Variants in ARMC2 observed in about 807,000 individuals in gnomAD.
ARMC2 encodes the protein armadillo repeat-containing protein 2.
In ARMC2, 67 loss-of-function variants were observed where a neutral mutation model predicts 90.3. The ratio of observed to expected loss-of-function variants is 0.74; its 90% CI spans 0.61 to 0.91. The LOEUF is 0.91. Among genes scored for constraint, ARMC2 ranks in the 40% least tolerant of loss-of-function variants. The pLI is 0.00. For missense variants in ARMC2, 920 were observed against 1,030.9 expected (o/e 0.89, Z 1.47); for synonymous variants, 393 against 393.0 (o/e 1.00, Z 0.00).
the ARMC2 span, among the ~76,000 whole-genome samples, chr6:109,046,524 G>T: frequency 6.8e-6 from 1 of 147,292 alleles, no homozygotes; most frequent in Non-Finnish European, 1.5e-5. Context: ...GAAGTGAGGA[G>T]TGTCTCTGCC....
chr6:108,914,854 C>T lies in ARMC2; in HGVS notation c.1350+2296C>T, dbSNP rs183302419. On this transcript the variant is annotated intron_variant, in intron 10 of 17. Coordinates refer to ENST00000392644, the MANE Select transcript of ARMC2 (RefSeq NM_032131.6). ...TAACACTGACTGACTTTTCACCAGC[C>T]GGTTCATGTGCAAATTCAGCCAGAC... Among the ~76,000 whole-genome samples the T allele has an allele frequency of 7.2e-5, 11 of 152,146 alleles. No homozygotes were observed. In the South Asian group the frequency reaches 8.3e-4, roughly 11 times the overall value.
At chr6:108,901,000 G>T (rs910807513) in intron 7 of ARMC2, among the ~76,000 whole-genome samples, 1 of 150,788 alleles carries the variant, frequency 6.6e-6, no homozygotes, top group South Asian at 2.1e-4. Context: ...CTGGATAAGG[G>T]TTACACAAGA....
chr6:108,888,492 A>G (rs967175505), intron 5 of ARMC2, among the ~76,000 whole-genome samples: 1 of 152,230 alleles, frequency 6.6e-6, no homozygotes, highest in African/African-American at 2.4e-5. Context: ...GTGCAGGATT[A>G]TCAAGGAGAA....
At chr6:109,008,794 A>G in the ARMC2 span, 34 of 985,482 alleles carry the variant, frequency 3.5e-5, no homozygotes, top group Non-Finnish European at 3.9e-5. Flanking sequence ...TTAATACGCA[A>G]GAGTAAACGC....
chr6:108,996,191 C>G, the ARMC2 span, among the ~76,000 whole-genome samples: 16,934 of 152,134 alleles, frequency 0.11, 1,032 homozygotes, highest in Middle Eastern at 0.19. Flanking sequence ...GAGAATGACT[C>G]TCAGGATAAT....
At position 108,895,409 on chromosome 6, in the gene ARMC2, A is replaced by G. The variant is rs140823242; in HGVS notation, c.748+866A>G. On this transcript the variant is annotated intron_variant, in intron 6 of 17. Transcript: ENST00000392644. ...TGAGGCAGCAGAATCACTTGAACCCAGGAGATGGAGTTTGCAGTGAGTCTA... is the reference window on the plus strand; with the variant it reads ...TGAGGCAGCAGAATCACTTGAACCCGGGAGATGGAGTTTGCAGTGAGTCTA... 4.2e-3 allele frequency among the ~76,000 whole-genome samples: 626 copies of G among 147,966 alleles called. 3 individuals are homozygous for G. Among genetic ancestry groups the G allele is most frequent in the African/African-American group, 0.015 (586 of 40,346 alleles).
At chr6:108,980,683 T>A in the ARMC2 span, among the ~76,000 whole-genome samples, 1 of 152,134 alleles carries the variant, frequency 6.6e-6, no homozygotes, top group African/African-American at 2.4e-5. Flanking sequence ...CTGCCTTTTT[T>A]TCAGAGATGC....
At chr6:108,915,207 C>G (rs544466062) in intron 10 of ARMC2, among the ~76,000 whole-genome samples, 2 of 152,200 alleles carry the variant, frequency 1.3e-5, no homozygotes, top group South Asian at 4.2e-4. Flanking sequence ...CTGCCCACCT[C>G]GGCCTCCCAA....
intron 5 of ARMC2, among the ~76,000 whole-genome samples, chr6:108,885,250 GTA>G (rs139289470): frequency 2.4e-4 from 35 of 144,608 alleles, no homozygotes; most frequent in Admixed American, 4.9e-4. Flanking sequence ...GTGTGTGTGT[GTA>G]TGTATTTTAG....
At chr6:109,009,361 C>A in the ARMC2 span, 1 of 1,469,352 alleles carries the variant, frequency 6.8e-7, no homozygotes. Flanking sequence ...CCAGGTACCT[C>A]GTCCTGGTCG....
At chr6:108,991,012 T>A in the ARMC2 span, among the ~76,000 whole-genome samples, 4 of 151,486 alleles carry the variant, frequency 2.6e-5, no homozygotes, top group Admixed American at 2.6e-4. Flanking sequence ...TACTGCAACA[T>A]GCAAAAGGTT....
rs541773951 is a variant in ARMC2, at chr6:108,967,752, G to A, written c.2446+2612G>A. On this transcript the variant is annotated intron_variant, in intron 17 of 17. Coordinates refer to ENST00000392644, the MANE Select transcript of ARMC2 (RefSeq NM_032131.6). The stretch of plus-strand genomic sequence containing the variant: ...TGTTTCAAATATTCTGTCTGTGGTT[G>A]GTTGAACCTGTGGATACGTGGCCCG... Among the ~76,000 whole-genome samples, 4 of 152,280 alleles carry A rather than the reference G, an allele frequency of 2.6e-5. 1 individual carries two copies. The highest frequency in any genetic ancestry group is 5.9e-5 in the Non-Finnish European group (4 of 68,028).
chr6:109,050,577 A>G, the ARMC2 span, among the ~76,000 whole-genome samples: 6 of 152,310 alleles, frequency 3.9e-5, no homozygotes, highest in African/African-American at 1.4e-4. Flanking sequence ...AGAGGCAGGC[A>G]AACATCAAAG....
chr6:108,901,265 C>A (rs1163167455), intron 7 of ARMC2, among the ~76,000 whole-genome samples: 1 of 151,272 alleles, frequency 6.6e-6, no homozygotes, highest in Non-Finnish European at 1.5e-5. Flanking sequence ...AGGCACCCGC[C>A]ACCATGCCTG....
chr6:108,916,638 G>A (rs1367321021), intron 10 of ARMC2, among the ~76,000 whole-genome samples: 1 of 152,166 alleles, frequency 6.6e-6, no homozygotes, highest in South Asian at 2.1e-4. Flanking sequence ...AACAGGCAAG[G>A]CCCCTAAATG....
In ARMC2 at chr6:108,904,378, C is replaced by A; in HGVS notation, c.996C>A (p.Ser332Arg). 1 of 1,606,344 alleles carries A rather than the reference C, an allele frequency of 6.2e-7. No homozygotes were observed. Among genetic ancestry groups the A allele is most frequent in the Non-Finnish European group, 8.5e-7 (1 of 1,177,672 alleles). Reference protein sequence around the residue: ...KLVDVGSDSLSLKLAKIILAL... With the variant: ...KLVDVGSDSLRLKLAKIILAL... ...TTGATGTTGGTTCAGACTCGCTCAGCCTTAAACTTGCAAAAATAATTCTAG... is the reference window on the plus strand; with the variant it reads ...TTGATGTTGGTTCAGACTCGCTCAGACTTAAACTTGCAAAAATAATTCTAG... Residue 332 changes from serine (S) to arginine (R), a missense_variant, in exon 8 of 18, where the codon AGC (serine) becomes AGA (arginine). By Grantham distance (110) the Ser-to-Arg change is moderately radical. Coordinates refer to ENST00000392644, the MANE Select transcript of ARMC2 (RefSeq NM_032131.6).
chr6:108,915,645 A>C (rs866276171), intron 10 of ARMC2, among the ~76,000 whole-genome samples: 2 of 152,196 alleles, frequency 1.3e-5, no homozygotes, highest in Non-Finnish European at 2.9e-5. Flanking sequence ...TGAACACTCA[A>C]GTGGGAAATA....
intron 6 of ARMC2, 122 bp downstream of exon 6, chr6:108,894,665 CA>C (rs1235557902): frequency 3.4e-5 from 24 of 701,028 alleles, no homozygotes; most frequent in Middle Eastern, 5.4e-4. Context: ...GGTCACAAAT[CA>C]ACATTTATTT....
chr6:109,037,185 ACT>A, the ARMC2 span, among the ~76,000 whole-genome samples: 3 of 152,098 alleles, frequency 2.0e-5, no homozygotes, highest in South Asian at 2.1e-4. Flanking sequence ...GCTATTTAAG[ACT>A]CTGTGATGCA....
Sources: gnomAD v4.1 joint callset for allele counts (sites outside exome capture counted in the v4.1 genomes callset) on GRCh38, gnomAD v4.1.1 for gene constraint, MANE v1.5 for transcripts, NCBI Gene and HGNC (gene_info 2026-07-23, HGNC 2026-07-21) for gene names.